PDILT: variants seen among roughly 807,000 people sequenced by gnomAD.
PDILT encodes the protein protein disulfide-isomerase-like protein of the testis.
A neutral mutation model predicts 53.7 loss-of-function variants in PDILT; 43 were observed. The observed-to-expected ratio is 0.80, with a 90% confidence interval of 0.63 to 1.03. The LOEUF (loss-of-function observed/expected upper bound fraction) is 1.03. Ranked by LOEUF, PDILT falls within the 50% of genes least tolerant of loss-of-function variation. The pLI is 0.00. For missense variants in PDILT, 727 were observed against 712.3 expected (o/e 1.02, Z -0.24); for synonymous variants, 282 against 274.2 (o/e 1.03, Z -0.28).
rs988589133 is a variant in PDILT at position 20,362,509 on chromosome 16, G to A, written c.1311C>T (p.His437=). 1 of 1,614,196 alleles carries A rather than the reference G, an allele frequency of 6.2e-7. No homozygotes were observed. Among genetic ancestry groups the A allele is most frequent in the Non-Finnish European group, 8.5e-7 (1 of 1,180,034 alleles). ...LEELGRKYQN[H]STIIIAKIDV... ...CGATCTTGGCAATGATAATTGTGGA[G>A]TGGTTTTGATATTTTCTGCCCAATT... Residue 437 remains histidine (H), a synonymous_variant, in exon 10 of 12, where the codon CAC becomes CAT. Coordinates refer to ENST00000302451, the MANE Select transcript of PDILT (RefSeq NM_174924.2).
At chr16:20,372,748 A>T in intron 7 of PDILT, 54 bp downstream of exon 7, 15 of 1,586,996 alleles carry the variant, frequency 9.5e-6, no homozygotes, top group African/African-American at 1.3e-5. Flanking sequence ...CAGGGTCTGC[A>T]GGTCTTGGAT....
Position 20,399,225 on chromosome 16 carries a change from C to A in PDILT, c.76G>T (p.Ala26Ser). 1.9e-6 allele frequency: 3 copies of A among 1,613,856 alleles called. No individual in the cohort carries two copies. The highest frequency in any genetic ancestry group is 1.6e-4 in the Middle Eastern group (1 of 6,062). ...GTTATGTGGATGCTGGAAACACCGG[C>A]GTTAACCTCTGGTGAGCTGTGGACA... ...SAVHSSPEVNAGVSSIHITKP... is the reference protein window; with the variant it reads ...SAVHSSPEVNSGVSSIHITKP... Residue 26 changes from alanine (A) to serine (S), a missense_variant, in exon 2 of 12, where the codon GCC becomes TCC. Transcript: ENST00000302451.
chr16:20,378,208 G>A (rs910387524), intron 3 of PDILT, among the ~76,000 whole-genome samples: 2 of 152,170 alleles, frequency 1.3e-5, no homozygotes, highest in Non-Finnish European at 2.9e-5. Flanking sequence ...TTTACATGCA[G>A]AAAGGTGCAT....
chr16:20,359,469 C>T lies in PDILT; in HGVS notation c.1605G>A (p.Ser535=), dbSNP rs376390632. 25 of 1,614,156 alleles carry T rather than the reference C, an allele frequency of 1.5e-5. No homozygotes were observed. The African/African-American group carries it at 1.9e-4, about 12-fold the overall frequency. Residue 535 remains serine, a synonymous_variant, in exon 12 of 12, where the codon TCG becomes TCA. Coordinates refer to ENST00000302451, the MANE Select transcript of PDILT (RefSeq NM_174924.2). ...ACTTGGTCATGTTCTCCAGCTCAGG[C>T]GACTGCTGTTCAGGTAACCCTTTCC... ...MMRKGLPEQQ[S]PELENMTKYV... is the part of the protein sequence containing the mutation.
intron 2 of PDILT, among the ~76,000 whole-genome samples, chr16:20,388,411 C>T (rs1262316084): frequency 1.3e-5 from 2 of 152,128 alleles, no homozygotes; most frequent in African/African-American, 2.4e-5. Context: ...AGAGTCAACT[C>T]GAAGGCTGAC....
At chr16:20,384,102 C>T (rs911594988) in intron 3 of PDILT, among the ~76,000 whole-genome samples, 3 of 152,198 alleles carry the variant, frequency 2.0e-5, no homozygotes, top group Non-Finnish European at 1.5e-5. Flanking sequence ...TAGTGCTTCC[C>T]TAGTCCTAGG....
intron 2 of PDILT, among the ~76,000 whole-genome samples, chr16:20,386,912 A>T (rs1966546636): frequency 6.6e-6 from 1 of 152,182 alleles, no homozygotes; most frequent in South Asian, 2.1e-4. Flanking sequence ...CAGATGGTAA[A>T]GCAAATTTTA....
intron 8 of PDILT, among the ~76,000 whole-genome samples, chr16:20,367,000 C>T (rs71373185): frequency 7.6e-6 from 1 of 130,804 alleles, no homozygotes; most frequent in Non-Finnish European, 1.6e-5. Flanking sequence ...TTCTTTCTTT[C>T]TTTATTTATT....
chr16:20,361,950 T>A (rs1431221396), intron 10 of PDILT, among the ~76,000 whole-genome samples: 1 of 152,216 alleles, frequency 6.6e-6, no homozygotes, highest in African/African-American at 2.4e-5. Flanking sequence ...GTGGGTTGTA[T>A]CAACACTGGT....
chr16:20,363,435 T>A (rs993549978), intron 9 of PDILT, among the ~76,000 whole-genome samples: 1 of 151,660 alleles, frequency 6.6e-6, no homozygotes, highest in Admixed American at 6.6e-5. Flanking sequence ...ATGACTTTAA[T>A]GTTCTTCCAA....
At chr16:20,400,064 A>G (rs1458376822) in intron 1 of PDILT, among the ~76,000 whole-genome samples, 1 of 124,508 alleles carries the variant, frequency 8.0e-6, no homozygotes, top group African/African-American at 3.1e-5. Context: ...CTATATATAT[A>G]TATATATATT....
At chr16:20,364,199 T>A (rs1375457199) in intron 9 of PDILT, among the ~76,000 whole-genome samples, 1 of 152,182 alleles carries the variant, frequency 6.6e-6, no homozygotes, top group Non-Finnish European at 1.5e-5. Flanking sequence ...CAAAATGAAA[T>A]GGACAGTCTT....
At chr16:20,395,782 T>A (rs545751421) in intron 2 of PDILT, among the ~76,000 whole-genome samples, 1 of 152,228 alleles carries the variant, frequency 6.6e-6, no homozygotes, top group East Asian at 1.9e-4. Flanking sequence ...GAGCTGGTTG[T>A]TAAAAAGAGC....
chr16:20,401,553 TG>T (rs1399330253), intron 1 of PDILT, among the ~76,000 whole-genome samples: 3 of 152,188 alleles, frequency 2.0e-5, no homozygotes, highest in Non-Finnish European at 2.9e-5. Context: ...CAGAATCCCT[TG>T]CCTGGCAGGA....
intron 2 of PDILT, among the ~76,000 whole-genome samples, chr16:20,396,603 C>A (rs1966665600): frequency 6.6e-6 from 1 of 152,188 alleles, no homozygotes; most frequent in African/African-American, 2.4e-5. Flanking sequence ...GAGCAGGAAC[C>A]AAGCCAGAGA....
intron 1 of PDILT, among the ~76,000 whole-genome samples, chr16:20,401,623 G>A (rs1257591667): frequency 2.0e-5 from 3 of 152,212 alleles, no homozygotes; most frequent in Non-Finnish European, 2.9e-5. Context: ...TGAAATTCAA[G>A]ATTGTGAGAC....
At chr16:20,384,588 G>C in intron 3 of PDILT, 57 bp downstream of exon 3, 1 of 1,598,820 alleles carries the variant, frequency 6.3e-7, no homozygotes, top group Non-Finnish European at 8.6e-7. Flanking sequence ...TTACCCTATA[G>C]CTGTTAAGTG....
chr16:20,366,934 T>G lies in PDILT; in HGVS notation c.1117-1394A>C, dbSNP rs73543340. ...TCTCATTGCTCTTAGGAAACCAAAT[T>G]CTTTCCTTCCTTCCTTCCTTCCTTC... On this transcript the variant is annotated intron_variant, in intron 8 of 11. Transcript: ENST00000302451. 6.8e-4 allele frequency among the ~76,000 whole-genome samples: 92 copies of G among 136,060 alleles called. 2 individuals are homozygous for G. The highest frequency in any genetic ancestry group is 2.5e-3 in the African/African-American group (85 of 34,362). 89.3% of individuals were successfully genotyped at this position (136,060 alleles called of 152,430 possible).
chr16:20,371,476 A>T (rs1966305204), intron 7 of PDILT, among the ~76,000 whole-genome samples: 1 of 152,162 alleles, frequency 6.6e-6, no homozygotes. Flanking sequence ...AAACATATTA[A>T]AACCATCCTT....
Sources: gnomAD v4.1 joint callset for allele counts (sites outside exome capture counted in the v4.1 genomes callset) on GRCh38, gnomAD v4.1.1 for gene constraint, MANE v1.5 for transcripts, NCBI Gene and HGNC (gene_info 2026-07-23, HGNC 2026-07-21) for gene names.